THSD7B: variants seen among roughly 807,000 people sequenced by gnomAD.
THSD7B encodes thrombospondin type-1 domain-containing protein 7B.
A neutral mutation model predicts 213.6 loss-of-function variants in THSD7B; 138 were observed. That is an observed-to-expected ratio of 0.65 (90% CI 0.56 to 0.74). The LOEUF (loss-of-function observed/expected upper bound fraction) is 0.74, where lower values mean the gene tolerates loss of function less well. THSD7B is among the 30% of genes least tolerant of loss of function. THSD7B has a pLI of 0.00. For missense variants in THSD7B, 1,931 were observed against 1,991.5 expected, an observed-to-expected ratio of 0.97 and a Z score of 0.58; for synonymous variants, 742 against 687.0, an observed-to-expected ratio of 1.08 and a Z score of -1.25.
intron 1 of THSD7B, among the ~76,000 whole-genome samples, chr2:136,825,860 C>G (rs1682639440): frequency 6.6e-6 from 1 of 151,912 alleles, no homozygotes; most frequent in Admixed American, 6.6e-5. Context: ...CTAGATTCTT[C>G]TCTTTTAAGT....
chr2:137,562,463 A>G (rs1244518759), intron 15 of THSD7B, among the ~76,000 whole-genome samples: 1 of 152,146 alleles, frequency 6.6e-6, no homozygotes, highest in Admixed American at 6.6e-5. Context: ...GTTAAAAAAA[A>G]TCACCACAAA....
chr2:137,376,110 T>A (rs912626063), intron 12 of THSD7B, among the ~76,000 whole-genome samples: 2 of 152,232 alleles, frequency 1.3e-5, no homozygotes, highest in African/African-American at 4.8e-5. Flanking sequence ...ATCTTTGCAG[T>A]TGTTTTTCAT....
chr2:137,581,289 CTTTAA>C (rs999640059), intron 17 of THSD7B, among the ~76,000 whole-genome samples: 8 of 152,124 alleles, frequency 5.3e-5, no homozygotes, highest in Non-Finnish European at 7.4e-5. Context: ...TTAAATTAAA[CTTTAA>C]TTTAAATTAT....
At chr2:137,388,344 TAAA>T (rs59017100) in intron 12 of THSD7B, among the ~76,000 whole-genome samples, 20 of 143,824 alleles carry the variant, frequency 1.4e-4, no homozygotes, top group Admixed American at 9.8e-4. Context: ...AAAGTAACAG[TAAA>T]AAAAAAAAGG....
chr2:137,210,321 G>A (rs1230314270), intron 7 of THSD7B, among the ~76,000 whole-genome samples: 1 of 152,016 alleles, frequency 6.6e-6, no homozygotes, highest in Non-Finnish European at 1.5e-5. Context: ...AGTAGATCAT[G>A]CCTAAGCAAG....
At chr2:136,787,950 C>T (rs1330798470) in intron 1 of THSD7B, among the ~76,000 whole-genome samples, 2 of 152,174 alleles carry the variant, frequency 1.3e-5, no homozygotes, top group African/African-American at 4.8e-5. Flanking sequence ...CTGTGTGAGA[C>T]ACAAACCTAT....
At chr2:137,261,929 A>AT (rs1682461340) in intron 10 of THSD7B, among the ~76,000 whole-genome samples, 1 of 151,924 alleles carries the variant, frequency 6.6e-6, no homozygotes, top group Non-Finnish European at 1.5e-5. Flanking sequence ...AAAAAAAAAA[A>AT]AAAAAGCCCA....
intron 12 of THSD7B, among the ~76,000 whole-genome samples, chr2:137,342,535 C>G (rs1038759725): frequency 4.6e-5 from 7 of 151,610 alleles, no homozygotes; most frequent in African/African-American, 1.7e-4. Flanking sequence ...CTGACAAGGA[C>G]TTCCAGTACT....
At chr2:136,934,043 A>C (rs1684678509) in intron 2 of THSD7B, among the ~76,000 whole-genome samples, 2 of 152,192 alleles carry the variant, frequency 1.3e-5, no homozygotes, top group Non-Finnish European at 2.9e-5. Context: ...AGCCTCATTG[A>C]CACAAAAAGG....
chr2:136,768,176 C>T (rs753768730), intron 1 of THSD7B, among the ~76,000 whole-genome samples: 21 of 152,122 alleles, frequency 1.4e-4, no homozygotes, highest in Non-Finnish European at 2.4e-4. Context: ...CTATGAAGGA[C>T]CTTGTCTGCT....
chr2:137,316,659 G>A (rs1481664820), intron 12 of THSD7B, among the ~76,000 whole-genome samples: 1 of 151,840 alleles, frequency 6.6e-6, no homozygotes, highest in Non-Finnish European at 1.5e-5. Flanking sequence ...TCAGGAAGCT[G>A]AGGCAGGAGA....
chr2:136,901,078 AT>A (rs5834521), intron 2 of THSD7B, among the ~76,000 whole-genome samples: 74,016 of 150,454 alleles, frequency 0.49, 19,653 homozygotes, highest in Non-Finnish European at 0.62. Flanking sequence ...TATTCCTTGG[AT>A]TTTTTTTTTT....
chr2:137,230,647 A>G (rs1458758765), intron 7 of THSD7B, among the ~76,000 whole-genome samples: 1 of 152,214 alleles, frequency 6.6e-6, no homozygotes, highest in Non-Finnish European at 1.5e-5. Context: ...CTAGAATTAT[A>G]AAATTCCTTT....
intron 15 of THSD7B, among the ~76,000 whole-genome samples, chr2:137,526,840 T>C (rs1457342112): frequency 6.6e-6 from 1 of 152,112 alleles, no homozygotes; most frequent in Non-Finnish European, 1.5e-5. Context: ...AGGGGAGGTG[T>C]CTTGGAGGTT....
chr2:137,508,807 A>G (rs1020528868), intron 15 of THSD7B, among the ~76,000 whole-genome samples: 1 of 152,006 alleles, frequency 6.6e-6, no homozygotes, highest in Non-Finnish European at 1.5e-5. Flanking sequence ...ACCCTCCTTT[A>G]TAGAAAATAC....
At chr2:137,527,475 A>G (rs1680300318) in intron 15 of THSD7B, among the ~76,000 whole-genome samples, 1 of 152,148 alleles carries the variant, frequency 6.6e-6, no homozygotes, top group South Asian at 2.1e-4. Flanking sequence ...AGCCAAGGTC[A>G]GTTACCTTGC....
intron 15 of THSD7B, among the ~76,000 whole-genome samples, chr2:137,537,034 G>C (rs1680519590): frequency 6.6e-6 from 1 of 151,702 alleles, no homozygotes; most frequent in Admixed American, 6.6e-5. Context: ...CTAACTCTCT[G>C]TTCTGGACAA....
chr2:137,080,991 T>C (rs969636041), intron 3 of THSD7B, among the ~76,000 whole-genome samples: 1 of 152,208 alleles, frequency 6.6e-6, no homozygotes, highest in African/African-American at 2.4e-5. Flanking sequence ...TAGCCAGATA[T>C]ATTATTCTAT....
chr2:136,786,582 G>A (rs532110204), intron 1 of THSD7B, among the ~76,000 whole-genome samples: 9 of 152,018 alleles, frequency 5.9e-5, no homozygotes, highest in Non-Finnish European at 1.2e-4. Flanking sequence ...TTAATCAGAC[G>A]TTTCATCTAA....
Sources: gnomAD v4.1 joint callset for allele counts (sites outside exome capture counted in the v4.1 genomes callset) on GRCh38, gnomAD v4.1.1 for gene constraint, MANE v1.5 for transcripts, NCBI Gene and HGNC (gene_info 2026-07-23, HGNC 2026-07-21) for gene names.